TBC1D12: variants seen among roughly 807,000 people sequenced by gnomAD.
The protein encoded by TBC1D12 is TBC1 domain family, member 12.
In TBC1D12, 56 loss-of-function variants were observed where a neutral mutation model predicts 86.7. The ratio of observed to expected loss-of-function variants is 0.65; its 90% CI spans 0.52 to 0.81. TBC1D12 has a LOEUF of 0.81. Among genes scored for constraint, TBC1D12 ranks in the 30% least tolerant of loss-of-function variants. TBC1D12 has a pLI of 0.00. For synonymous variants in TBC1D12, 421 were observed against 411.7 expected, an observed-to-expected ratio of 1.02 and a Z score of -0.27; for missense variants, 1,023 against 1,038.8, an observed-to-expected ratio of 0.98 and a Z score of 0.21.
At chr10:94,506,405 G>T (rs930388281) in intron 6 of TBC1D12, among the ~76,000 whole-genome samples, 4 of 152,268 alleles carry the variant, frequency 2.6e-5, no homozygotes, top group African/African-American at 9.6e-5. Context: ...ATTTTAAAAA[G>T]AATTAATTGA....
At chr10:94,527,698 C>T (rs1842330953) in intron 11 of TBC1D12, among the ~76,000 whole-genome samples, 1 of 152,022 alleles carries the variant, frequency 6.6e-6, no homozygotes, top group Non-Finnish European at 1.5e-5. Context: ...AGTTTTGTGT[C>T]TTACATTTAG....
chr10:94,470,084 G>A (rs1240774836), intron 2 of TBC1D12, among the ~76,000 whole-genome samples: 2 of 152,176 alleles, frequency 1.3e-5, no homozygotes, highest in Non-Finnish European at 2.9e-5. Context: ...ATGAAAATCA[G>A]TACTTACTTA....
At chr10:94,409,056 G>A (rs2054893178) in intron 1 of TBC1D12, among the ~76,000 whole-genome samples, 1 of 152,162 alleles carries the variant, frequency 6.6e-6, no homozygotes, top group African/African-American at 2.4e-5. Context: ...CTACCATTAT[G>A]TTAAATTGGG....
intron 11 of TBC1D12, among the ~76,000 whole-genome samples, chr10:94,530,143 C>G (rs924265384): frequency 1.3e-5 from 2 of 152,188 alleles, no homozygotes; most frequent in African/African-American, 2.4e-5. Flanking sequence ...AGCACTACCT[C>G]AAATAAACAC....
chr10:94,519,996 A>G (rs1220698864), intron 9 of TBC1D12, among the ~76,000 whole-genome samples: 1 of 152,210 alleles, frequency 6.6e-6, no homozygotes, highest in Admixed American at 6.6e-5. Context: ...TATGCCTACT[A>G]CAGTCCCTGT....
At position 94,521,975 on chromosome 10, in the gene TBC1D12, T is replaced by C. The variant is rs1029359168; in HGVS notation, c.1782T>C (p.Ile594=). 11 of 1,606,760 alleles carry C rather than the reference T, an allele frequency of 6.8e-6. No individual in the cohort carries two copies. Among genetic ancestry groups the C allele is most frequent in the Non-Finnish European group, 9.4e-6 (11 of 1,175,086 alleles). ...DVGYVQGMSF[I]AAVLILNLEE... ...TGAAGGTCCAAGGGATGTCCTTCAT[T>C]GCAGCAGTACTCATTCTCAATTTGG... Residue 594 remains isoleucine, a synonymous_variant, in exon 10 of 13, where the codon ATT becomes ATC. Transcript: ENST00000225235.
intron 2 of TBC1D12, among the ~76,000 whole-genome samples, chr10:94,469,715 G>A (rs1189785577): frequency 6.6e-6 from 1 of 152,130 alleles, no homozygotes; most frequent in Non-Finnish European, 1.5e-5. Context: ...TTCCCAAAGT[G>A]ATGGGATTAC....
At chr10:94,419,662 C>CTT (rs925086433) in intron 1 of TBC1D12, among the ~76,000 whole-genome samples, 2 of 152,068 alleles carry the variant, frequency 1.3e-5, no homozygotes, top group Non-Finnish European at 2.9e-5. Flanking sequence ...GAGCAAGACT[C>CTT]TGTCTCAGGG....
chr10:94,451,388 ATAAT>A, intron 2 of TBC1D12, among the ~76,000 whole-genome samples: 1 of 152,276 alleles, frequency 6.6e-6, no homozygotes, highest in African/African-American at 2.4e-5. Context: ...GATTTTTTAA[ATAAT>A]AATCTATTCT....
intron 4 of TBC1D12, among the ~76,000 whole-genome samples, chr10:94,496,027 C>T (rs1170285781): frequency 2.0e-5 from 3 of 151,844 alleles, no homozygotes; most frequent in African/African-American, 7.3e-5. Context: ...TGCTTGATCC[C>T]GGGAGGTAGA....
intron 11 of TBC1D12, among the ~76,000 whole-genome samples, chr10:94,524,166 C>T (rs995383786): frequency 2.6e-5 from 4 of 152,090 alleles, no homozygotes; most frequent in African/African-American, 9.7e-5. Context: ...TTTTTTACTT[C>T]CACCGTCTTT....
At chr10:94,524,117 C>T (rs1842224691) in intron 11 of TBC1D12, among the ~76,000 whole-genome samples, 1 of 152,164 alleles carries the variant, frequency 6.6e-6, no homozygotes, top group Non-Finnish European at 1.5e-5. Flanking sequence ...GCATACAGCT[C>T]TCCTACAACC....
intron 2 of TBC1D12, among the ~76,000 whole-genome samples, chr10:94,449,896 T>G (rs996581278): frequency 1.3e-5 from 2 of 152,200 alleles, no homozygotes; most frequent in African/African-American, 4.8e-5. Context: ...CAGTCTGATC[T>G]TTTCACATAT....
At chr10:94,425,658 A>G (rs982621409) in intron 1 of TBC1D12, among the ~76,000 whole-genome samples, 6 of 152,206 alleles carry the variant, frequency 3.9e-5, no homozygotes, top group African/African-American at 9.6e-5. Context: ...AGCTAATTAA[A>G]TTTGCAAAAT....
intron 4 of TBC1D12, among the ~76,000 whole-genome samples, chr10:94,495,145 T>C (rs1326726847): frequency 6.6e-6 from 1 of 151,822 alleles, no homozygotes; most frequent in Admixed American, 6.6e-5. Context: ...TACCTCAGCC[T>C]CCAGAGTGGC....
intron 2 of TBC1D12, 93 bp downstream of exon 2, chr10:94,442,112 T>C (rs2055392462): frequency 7.5e-7 from 1 of 1,328,804 alleles, no homozygotes; most frequent in Non-Finnish European, 1.0e-6. Context: ...ACTAACCATA[T>C]TCTATTTTTA....
intron 1 of TBC1D12, among the ~76,000 whole-genome samples, chr10:94,421,113 T>G (rs957778737): frequency 6.6e-6 from 1 of 152,118 alleles, no homozygotes; most frequent in Non-Finnish European, 1.5e-5. Flanking sequence ...TGAAACCCAT[T>G]TTGTACCCAT....
chr10:94,497,530 T>C (rs979313109), intron 5 of TBC1D12, among the ~76,000 whole-genome samples: 1 of 146,484 alleles, frequency 6.8e-6, no homozygotes, highest in Non-Finnish European at 1.5e-5. Flanking sequence ...TTTTTTTTTT[T>C]TTTTTTTGAG....
chr10:94,445,378 A>G (rs1029644497), intron 2 of TBC1D12, among the ~76,000 whole-genome samples: 2 of 151,996 alleles, frequency 1.3e-5, no homozygotes, highest in Non-Finnish European at 2.9e-5. Context: ...AACAACAGCA[A>G]TAGAACTTCA....
Sources: gnomAD v4.1 joint callset for allele counts (sites outside exome capture counted in the v4.1 genomes callset) on GRCh38, gnomAD v4.1.1 for gene constraint, MANE v1.5 for transcripts, NCBI Gene and HGNC (gene_info 2026-07-23, HGNC 2026-07-21) for gene names.